FNDC3B: variants seen among roughly 807,000 people sequenced by gnomAD.
FNDC3B encodes the protein fibronectin type III domain-containing protein 3B.
FNDC3B carries 12 observed loss-of-function variants against 151.5 expected under a neutral mutation model. That is an observed-to-expected ratio of 0.08 (90% CI 0.05 to 0.13). The LOEUF is 0.13. Among genes scored for constraint, FNDC3B ranks in the 10% least tolerant of loss-of-function variants. The pLI is 1.00. For synonymous variants in FNDC3B, 528 were observed against 549.0 expected (o/e 0.96, Z 0.54); for missense variants, 1,214 against 1,505.3 (o/e 0.81, Z 3.20).
At chr3:172,071,075 CAA>C (rs980547609) in intron 1 of FNDC3B, among the ~76,000 whole-genome samples, 18 of 152,150 alleles carry the variant, frequency 1.2e-4, no homozygotes, top group African/African-American at 4.3e-4. Flanking sequence ...TTCACAGTAA[CAA>C]ATGCGTGTTT....
At chr3:172,337,235 A>T (rs1733028174) in intron 15 of FNDC3B, 95 bp from the exon 16 acceptor site, 1 of 720,958 alleles carries the variant, frequency 1.4e-6, no homozygotes, top group Non-Finnish European at 2.3e-6. Flanking sequence ...GAATTCAGAT[A>T]GTATAATGGT....
chr3:172,128,947 G>C (rs904924476), intron 2 of FNDC3B, among the ~76,000 whole-genome samples: 5 of 152,134 alleles, frequency 3.3e-5, no homozygotes, highest in African/African-American at 1.2e-4. Context: ...TTTTGTCTTT[G>C]GTCAGTTGGT....
chr3:172,245,235 A>T (rs937889352), intron 4 of FNDC3B, among the ~76,000 whole-genome samples: 1 of 152,172 alleles, frequency 6.6e-6, no homozygotes, highest in Admixed American at 6.5e-5. Flanking sequence ...TTTTTTCGTT[A>T]TAAATAGTCT....
At chr3:172,281,245 A>G (rs1386170247) in intron 6 of FNDC3B, among the ~76,000 whole-genome samples, 1 of 142,290 alleles carries the variant, frequency 7.0e-6, no homozygotes, top group African/African-American at 2.6e-5. Flanking sequence ...TTATTTATTT[A>G]TTTATTTATT....
intron 25 of FNDC3B, among the ~76,000 whole-genome samples, chr3:172,395,438 C>G (rs777352090): frequency 8.3e-4 from 126 of 152,254 alleles, no homozygotes; most frequent in Non-Finnish European, 1.2e-3. Context: ...GTAAACTGGT[C>G]ATTTTCAAGT....
intron 3 of FNDC3B, among the ~76,000 whole-genome samples, chr3:172,163,509 C>T (rs904899077): frequency 6.6e-6 from 1 of 152,154 alleles, no homozygotes; most frequent in Non-Finnish European, 1.5e-5. Flanking sequence ...CACACACATG[C>T]ACGCACACAT....
chr3:172,344,312 A>G lies in FNDC3B; in HGVS notation c.2250+54A>G, dbSNP rs929726752. 14 of 1,517,202 alleles carry G rather than the reference A, an allele frequency of 9.2e-6. No individual in the cohort carries two copies. The Middle Eastern group carries it at 7.7e-4, about 84-fold the overall frequency. The allele number at this position is 1,517,202 out of a possible 1,614,324, so 94.0% of individuals were successfully genotyped here. ...GAATCAGAATGCATAATCAGAACCC[A>G]AAGTGCTAGCACTTCTGTCTCTAGC... On this transcript the variant is annotated intron_variant, in intron 19 of 25. Transcript: ENST00000415807.
chr3:172,317,034 A>G lies in FNDC3B; in HGVS notation c.1254+6153A>G, dbSNP rs114453772. The G allele has an allele frequency of 1.3e-3, 486 of 380,128 alleles. 1 individual carries two copies. The highest frequency in any genetic ancestry group is 9.8e-3 in the African/African-American group (452 of 46,118). The allele number at this position is 380,128 out of a possible 1,614,324, so 23.5% of individuals were successfully genotyped here. On this transcript the variant is annotated intron_variant, in intron 11 of 25. Transcript: ENST00000415807. ...AGGGAACCAAACTCGTCTTTTTATC[A>G]GGAACCCACTCCTGTGATAACAAAC...
At chr3:172,245,128 C>CAA (rs141682271) in intron 4 of FNDC3B, among the ~76,000 whole-genome samples, 1 of 151,678 alleles carries the variant, frequency 6.6e-6, no homozygotes, top group Non-Finnish European at 1.5e-5. Context: ...AAAGCTACTT[C>CAA]AAAAAAAACT....
At chr3:172,272,276 T>G (rs1225350015) in intron 6 of FNDC3B, among the ~76,000 whole-genome samples, 3 of 152,222 alleles carry the variant, frequency 2.0e-5, no homozygotes, top group Non-Finnish European at 4.4e-5. Context: ...TGCTTGCAAC[T>G]TTAATAAAAT....
intron 3 of FNDC3B, among the ~76,000 whole-genome samples, chr3:172,201,344 T>TC (rs2108689172): frequency 6.6e-6 from 1 of 152,260 alleles, no homozygotes; most frequent in East Asian, 1.9e-4. Flanking sequence ...AGGTTTTTTT[T>TC]CCTCTTTTCT....
chr3:172,394,149 A>G (rs1200080162), intron 25 of FNDC3B, among the ~76,000 whole-genome samples: 1 of 148,182 alleles, frequency 6.7e-6, no homozygotes, highest in African/African-American at 2.5e-5. Context: ...GATACAGCAC[A>G]AGTAGTTCTA....
At chr3:172,096,691 C>G (rs1282698136) in intron 1 of FNDC3B, among the ~76,000 whole-genome samples, 1 of 152,008 alleles carries the variant, frequency 6.6e-6, no homozygotes, top group Admixed American at 6.5e-5. Flanking sequence ...AATAGAAAAG[C>G]AAGATTGAGA....
chr3:172,079,946 A>T (rs568479758), intron 1 of FNDC3B, among the ~76,000 whole-genome samples: 1 of 152,324 alleles, frequency 6.6e-6, no homozygotes, highest in South Asian at 2.1e-4. Flanking sequence ...CAAATCTGAG[A>T]TCACAAACAG....
chr3:172,309,066 G>A (rs1037036041), intron 10 of FNDC3B, among the ~76,000 whole-genome samples: 9 of 152,144 alleles, frequency 5.9e-5, no homozygotes, highest in African/African-American at 2.2e-4. Flanking sequence ...GGAGGAAAAC[G>A]TTTCACATTT....
chr3:172,116,301 G>GA (rs1448284355), intron 2 of FNDC3B, among the ~76,000 whole-genome samples: 1 of 152,158 alleles, frequency 6.6e-6, no homozygotes, highest in Non-Finnish European at 1.5e-5. Flanking sequence ...TTCACCCACT[G>GA]AAAGTATACA....
chr3:172,158,703 A>T (rs1253291161), intron 3 of FNDC3B, among the ~76,000 whole-genome samples: 2 of 152,032 alleles, frequency 1.3e-5, no homozygotes, highest in African/African-American at 4.8e-5. Flanking sequence ...AAGTCTAAAG[A>T]CCTTTGTCTA....
chr3:172,294,049 A>G (rs999263326), intron 7 of FNDC3B, among the ~76,000 whole-genome samples: 1 of 152,242 alleles, frequency 6.6e-6, no homozygotes, highest in Admixed American at 6.5e-5. Flanking sequence ...ATATCCAGAT[A>G]GCAATAGAAT....
chr3:172,195,242 A>G (rs1377645661), intron 3 of FNDC3B, among the ~76,000 whole-genome samples: 1 of 152,024 alleles, frequency 6.6e-6, no homozygotes, highest in Admixed American at 6.6e-5. Context: ...GCTTAGAGTG[A>G]TTCTTGGCAG....
Sources: gnomAD v4.1 joint callset for allele counts (sites outside exome capture counted in the v4.1 genomes callset) on GRCh38, gnomAD v4.1.1 for gene constraint, MANE v1.5 for transcripts, NCBI Gene and HGNC (gene_info 2026-07-23, HGNC 2026-07-21) for gene names.